The following SORCS1 variants were observed in gnomAD, a reference collection of about 807,000 sequenced individuals.
SORCS1 encodes VPS10 domain-containing receptor SorCS1.
A neutral mutation model predicts 146.1 loss-of-function variants in SORCS1; 60 were observed. The ratio of observed to expected loss-of-function variants is 0.41; its 90% CI spans 0.33 to 0.51. The LOEUF is 0.51. Among genes scored for constraint, SORCS1 ranks in the 20% least tolerant of loss-of-function variants. The pLI, the probability that SORCS1 is intolerant of heterozygous loss-of-function variation, is 0.21. For missense variants in SORCS1, 1,352 were observed against 1,487.6 expected, an observed-to-expected ratio of 0.91 and a Z score of 1.50; for synonymous variants, 637 against 584.0, an observed-to-expected ratio of 1.09 and a Z score of -1.31.
At chr10:107,108,555 A>G (rs761822425) in intron 1 of SORCS1, among the ~76,000 whole-genome samples, 3 of 152,148 alleles carry the variant, frequency 2.0e-5, no homozygotes, top group Non-Finnish European at 2.9e-5. Context: ...TATGACTCAA[A>G]TACCTCCCAC....
At chr10:107,076,609 A>G (rs1412596542) in intron 1 of SORCS1, among the ~76,000 whole-genome samples, 1 of 152,212 alleles carries the variant, frequency 6.6e-6, no homozygotes, top group Non-Finnish European at 1.5e-5. Flanking sequence ...GTTCATTAGC[A>G]TAATTCACTA....
chr10:106,968,741 C>G (rs1031655469), intron 1 of SORCS1, among the ~76,000 whole-genome samples: 2 of 152,088 alleles, frequency 1.3e-5, no homozygotes, highest in Admixed American at 1.3e-4. Context: ...GAAAAGAATG[C>G]AAGCTTTTAA....
At chr10:106,638,409 G>A (rs912792082) in intron 18 of SORCS1, among the ~76,000 whole-genome samples, 19 of 151,816 alleles carry the variant, frequency 1.3e-4, no homozygotes, top group South Asian at 8.3e-4. Context: ...AAAAAGGCAC[G>A]GTACATTCAT....
chr10:107,028,719 G>T (rs922171561), intron 1 of SORCS1, among the ~76,000 whole-genome samples: 5 of 152,182 alleles, frequency 3.3e-5, no homozygotes, highest in African/African-American at 1.2e-4. Context: ...TGGAAACAGT[G>T]TTTTAATTAT....
intron 5 of SORCS1, among the ~76,000 whole-genome samples, chr10:106,734,979 C>A (rs1032558213): frequency 6.6e-6 from 1 of 151,948 alleles, no homozygotes; most frequent in African/African-American, 2.4e-5. Context: ...AACCCCGTCT[C>A]TACTAAAAGT....
intron 2 of SORCS1, among the ~76,000 whole-genome samples, chr10:106,942,076 G>A (rs187579384): frequency 6.6e-6 from 1 of 152,314 alleles, no homozygotes; most frequent in Admixed American, 6.5e-5. Flanking sequence ...AGAGAGCTGA[G>A]TGAATTTCTT....
intron 2 of SORCS1, among the ~76,000 whole-genome samples, chr10:106,953,459 A>G (rs1182022814): frequency 1.3e-5 from 2 of 152,064 alleles, no homozygotes; most frequent in East Asian, 3.8e-4. Flanking sequence ...TTCCCCCAAC[A>G]GTTTTGATCC....
At chr10:106,888,122 G>A (rs562953878) in intron 2 of SORCS1, among the ~76,000 whole-genome samples, 1 of 152,136 alleles carries the variant, frequency 6.6e-6, no homozygotes, top group African/African-American at 2.4e-5. Flanking sequence ...CGTTCTTTGG[G>A]TTTTTATAGA....
rs6144077 is a variant in SORCS1 at position 106,606,274 on chromosome 10, TACACACACACACACACAC to T, written c.3165+874_3165+891del. ...AATCACACAAATACACACACAGATA[TACACACACACACACACAC>T]ACACACACACACACACACACACACA... On this transcript the variant is annotated intron_variant, in intron 23 of 25. Coordinates refer to ENST00000263054, the MANE Select transcript of SORCS1 (RefSeq NM_052918.5). Among the ~76,000 whole-genome samples, 964 of 139,070 alleles carry T rather than the reference TACACACACACACACACAC, an allele frequency of 6.9e-3. 17 individuals are homozygous for T. The highest frequency in any genetic ancestry group is 0.025 in the African/African-American group (818 of 33,202). 91.2% of individuals were successfully genotyped at this position (139,070 alleles called of 152,430 possible).
At chr10:106,891,299 C>T (rs17121730) in intron 2 of SORCS1, among the ~76,000 whole-genome samples, 5,952 of 151,808 alleles carry the variant, frequency 0.039, 174 homozygotes, top group East Asian at 0.13. Flanking sequence ...AACCGGTGGC[C>T]CCTTAGAAAT....
rs180766011 is a variant in SORCS1, at chr10:106,680,740, G to A, written c.1561-1006C>T. The stretch of plus-strand genomic sequence containing the variant: ...GCCCACATTTCTTTTCATATCTCAG[G>A]AAGATTACTTTCTAATCTTATCAAC... On this transcript the variant is annotated intron_variant, in intron 10 of 25. Coordinates refer to ENST00000263054, the MANE Select transcript of SORCS1 (RefSeq NM_052918.5). Among the ~76,000 whole-genome samples the A allele has an allele frequency of 3.3e-3, 499 of 152,212 alleles. 12 individuals carry two copies. Among genetic ancestry groups the A allele is most frequent in the East Asian group, 4.8e-3 (25 of 5,182 alleles).
chr10:106,817,543 C>T (rs181206495), intron 3 of SORCS1, among the ~76,000 whole-genome samples: 1 of 152,220 alleles, frequency 6.6e-6, no homozygotes, highest in Non-Finnish European at 1.5e-5. Flanking sequence ...CCTCAGGGTC[C>T]AATAAGTTTA....
At chr10:106,597,584 G>T in intron 23 of SORCS1, 134 bp from the exon 24 acceptor site, 1 of 633,790 alleles carries the variant, frequency 1.6e-6, no homozygotes, top group Non-Finnish European at 2.7e-6. Context: ...AGGTTTATAT[G>T]ATTTTGATTT....
chr10:107,124,930 T>TTTTC (rs1054855241), intron 1 of SORCS1, among the ~76,000 whole-genome samples: 2 of 151,350 alleles, frequency 1.3e-5, no homozygotes, highest in African/African-American at 4.9e-5. Flanking sequence ...CTCAGCTTTC[T>TTTTC]TTTCTTTCTT....
At chr10:106,906,272 G>A (rs1284796712) in intron 2 of SORCS1, among the ~76,000 whole-genome samples, 3 of 152,094 alleles carry the variant, frequency 2.0e-5, no homozygotes, top group Non-Finnish European at 4.4e-5. Context: ...CCACCACCAC[G>A]CCTGGCTAAT....
chr10:107,146,038 A>T (rs979095017), intron 1 of SORCS1, among the ~76,000 whole-genome samples: 4 of 152,232 alleles, frequency 2.6e-5, no homozygotes, highest in African/African-American at 9.6e-5. Flanking sequence ...AAGTAGCTCC[A>T]CAGTTTTATT....
At chr10:106,925,597 T>C (rs1324415458) in intron 2 of SORCS1, among the ~76,000 whole-genome samples, 2 of 152,202 alleles carry the variant, frequency 1.3e-5, no homozygotes. Flanking sequence ...TTCCCTCCAC[T>C]TAACAAAGGC....
intron 1 of SORCS1, among the ~76,000 whole-genome samples, chr10:107,150,251 T>G (rs981275240): frequency 6.6e-6 from 1 of 152,244 alleles, no homozygotes; most frequent in Non-Finnish European, 1.5e-5. Context: ...AAGAAACGCA[T>G]GCCCATGCTA....
chr10:106,665,662 A>C lies in SORCS1; in HGVS notation c.2303+2027T>G, dbSNP rs1851076754. 1.3e-5 allele frequency among the ~76,000 whole-genome samples: 2 copies of C among 152,170 alleles called. 1 individual carries two copies. Among genetic ancestry groups the C allele is most frequent in the South Asian group, 4.1e-4 (2 of 4,830 alleles). On this transcript the variant is annotated intron_variant, in intron 17 of 25. Coordinates refer to ENST00000263054, the MANE Select transcript of SORCS1 (RefSeq NM_052918.5). ...AACACATTAAAACAAAACTCACAAAAATATGTATCTCTAAAAAATAAGACT... is the reference window on the plus strand; with the variant it reads ...AACACATTAAAACAAAACTCACAAACATATGTATCTCTAAAAAATAAGACT...
Sources: allele counts gnomAD v4.1 joint callset (sites outside exome capture counted in the v4.1 genomes callset), GRCh38; gene constraint gnomAD v4.1.1; transcripts MANE v1.5; gene names NCBI Gene and HGNC (gene_info 2026-07-23, HGNC 2026-07-21).